The following ERBB4 variants were observed in gnomAD, a reference collection of about 807,000 sequenced individuals.
ERBB4 encodes the protein erb-b2 receptor tyrosine kinase 4.
ERBB4 carries 42 observed loss-of-function variants against 158.0 expected under a neutral mutation model. That is an observed-to-expected ratio of 0.27 (90% CI 0.21 to 0.34). The LOEUF (loss-of-function observed/expected upper bound fraction) is 0.34. Ranked by LOEUF, ERBB4 falls within the 10% of genes least tolerant of loss-of-function variation. ERBB4 has a pLI of 1.00. For missense variants in ERBB4, 1,333 were observed against 1,624.1 expected, an observed-to-expected ratio of 0.82 and a Z score of 3.08; for synonymous variants, 583 against 558.7, an observed-to-expected ratio of 1.04 and a Z score of -0.61.
At chr2:212,375,926 T>C (rs1436360485) in intron 1 of ERBB4, among the ~76,000 whole-genome samples, 2 of 152,098 alleles carry the variant, frequency 1.3e-5, no homozygotes, top group African/African-American at 4.8e-5. Context: ...AGTTTACAAA[T>C]GGATAACTTG....
intron 3 of ERBB4, among the ~76,000 whole-genome samples, chr2:211,798,222 C>A (rs1480174981): frequency 6.6e-6 from 1 of 152,018 alleles, no homozygotes; most frequent in Admixed American, 6.6e-5. Context: ...AGTTTTGCCT[C>A]TTTATTAAAT....
intron 20 of ERBB4, among the ~76,000 whole-genome samples, chr2:211,500,330 A>G (rs1368430088): frequency 6.6e-6 from 1 of 152,114 alleles, no homozygotes; most frequent in Non-Finnish European, 1.5e-5. Context: ...CTTTATAGCT[A>G]GAATAGCAAT....
chr2:211,796,124 C>A (rs2076377069), intron 3 of ERBB4, among the ~76,000 whole-genome samples: 1 of 151,846 alleles, frequency 6.6e-6, no homozygotes, highest in South Asian at 2.1e-4. Flanking sequence ...AGAGCTTGAG[C>A]CATACCAACA....
chr2:211,726,044 T>G (rs2074254500), intron 5 of ERBB4, among the ~76,000 whole-genome samples: 1 of 152,202 alleles, frequency 6.6e-6, no homozygotes, highest in African/African-American at 2.4e-5. Context: ...TCTGCTTATC[T>G]CACTTATTCC....
chr2:211,963,301 C>A (rs1201160619), intron 2 of ERBB4, among the ~76,000 whole-genome samples: 1 of 152,058 alleles, frequency 6.6e-6, no homozygotes, highest in Non-Finnish European at 1.5e-5. Context: ...CCACCTCCCA[C>A]ACCCACCACT....
intron 1 of ERBB4, among the ~76,000 whole-genome samples, chr2:212,296,401 A>G (rs1215540543): frequency 1.3e-5 from 2 of 150,534 alleles, no homozygotes; most frequent in African/African-American, 2.4e-5. Flanking sequence ...TTCTAATCTA[A>G]AAAAAAAAGA....
chr2:211,972,341 T>A (rs1451081450), intron 2 of ERBB4, among the ~76,000 whole-genome samples: 1 of 152,180 alleles, frequency 6.6e-6, no homozygotes, highest in Non-Finnish European at 1.5e-5. Context: ...AAGCAATTTA[T>A]AGACTCAATG....
intron 19 of ERBB4, among the ~76,000 whole-genome samples, chr2:211,580,809 TA>T (rs1559317082): frequency 6.3e-5 from 3 of 47,410 alleles, no homozygotes; most frequent in African/African-American, 2.9e-4. Flanking sequence ...TATATATATA[TA>T]TAATATATAT....
chr2:211,622,541 TA>T (rs1472312551), intron 18 of ERBB4, among the ~76,000 whole-genome samples: 1 of 152,192 alleles, frequency 6.6e-6, no homozygotes, highest in Non-Finnish European at 1.5e-5. Flanking sequence ...TAATTATTAA[TA>T]TTTTTTGTTA....
chr2:212,491,018 G>A (rs992102588), intron 1 of ERBB4, among the ~76,000 whole-genome samples: 4 of 151,696 alleles, frequency 2.6e-5, no homozygotes, highest in South Asian at 4.1e-4. Context: ...CACAGATGCT[G>A]TTATTACTAT....
chr2:211,567,137 G>T (rs568513463), intron 19 of ERBB4, among the ~76,000 whole-genome samples: 18 of 152,284 alleles, frequency 1.2e-4, no homozygotes, highest in Non-Finnish European at 2.2e-4. Flanking sequence ...GCTGCAAAAT[G>T]AGGAAACCAA....
chr2:211,764,966 T>A (rs2075516041), intron 4 of ERBB4, among the ~76,000 whole-genome samples: 1 of 152,100 alleles, frequency 6.6e-6, no homozygotes, highest in African/African-American at 2.4e-5. Flanking sequence ...AAAAGATGAT[T>A]TGGGTCATTT....
intron 2 of ERBB4, among the ~76,000 whole-genome samples, chr2:212,021,585 A>G (rs1474838313): frequency 6.6e-6 from 1 of 152,184 alleles, no homozygotes; most frequent in Non-Finnish European, 1.5e-5. Context: ...GATGGATTAA[A>G]GGCTTAAATG....
intron 3 of ERBB4, among the ~76,000 whole-genome samples, chr2:211,835,238 C>T (rs968920187): frequency 1.2e-4 from 19 of 152,058 alleles, no homozygotes; most frequent in African/African-American, 4.6e-4. Context: ...CGCAAAGTAA[C>T]AAAAATACAT....
At chr2:212,402,728 G>A (rs960239498) in intron 1 of ERBB4, among the ~76,000 whole-genome samples, 5 of 152,030 alleles carry the variant, frequency 3.3e-5, no homozygotes, top group Non-Finnish European at 5.9e-5. Flanking sequence ...AACTGCATGT[G>A]TATAAATACA....
chr2:212,011,886 G>T (rs139649188), intron 2 of ERBB4, among the ~76,000 whole-genome samples: 7 of 152,188 alleles, frequency 4.6e-5, no homozygotes, highest in African/African-American at 1.7e-4. Flanking sequence ...ACTTCATTAG[G>T]GGTTGCAAAG....
chr2:212,411,737 C>G (rs982435242), intron 1 of ERBB4, among the ~76,000 whole-genome samples: 4 of 152,126 alleles, frequency 2.6e-5, no homozygotes, highest in Non-Finnish European at 5.9e-5. Context: ...CTCTCCCTTG[C>G]ACCTTTGGTT....
intron 25 of ERBB4, among the ~76,000 whole-genome samples, chr2:211,393,758 T>C (rs1031818880): frequency 4.7e-5 from 7 of 147,864 alleles, no homozygotes; most frequent in Admixed American, 3.3e-4. Context: ...TGTGTGTGTG[T>C]GTGTGTGTGT....
chr2:211,790,688 C>T (rs567253505), intron 3 of ERBB4, among the ~76,000 whole-genome samples: 1 of 152,100 alleles, frequency 6.6e-6, no homozygotes, highest in African/African-American at 2.4e-5. Context: ...TTTATCATTC[C>T]TAATTCAAAA....
Sources: allele counts gnomAD v4.1 joint callset (sites outside exome capture counted in the v4.1 genomes callset), GRCh38; gene constraint gnomAD v4.1.1; transcripts MANE v1.5; gene names NCBI Gene and HGNC (gene_info 2026-07-23, HGNC 2026-07-21).